CACNA1C: variants seen among roughly 807,000 people sequenced by gnomAD.
CACNA1C encodes voltage-dependent L-type calcium channel subunit alpha-1C.
CACNA1C carries 30 observed loss-of-function variants against 229.0 expected under a neutral mutation model. The ratio of observed to expected loss-of-function variants is 0.13; its 90% CI spans 0.10 to 0.18. The LOEUF is 0.18. Among genes scored for constraint, CACNA1C ranks in the 10% least tolerant of loss-of-function variants. The pLI is 1.00. For synonymous variants in CACNA1C, 1,114 were observed against 1,132.5 expected (o/e 0.98, Z 0.33); for missense variants, 1,658 against 2,845.0 (o/e 0.58, Z 9.49).
chr12:2,345,059 G>A lies in CACNA1C; in HGVS notation c.478-103917G>A, dbSNP rs148654637. On this transcript the variant is annotated intron_variant, in intron 3 of 46. Coordinates refer to ENST00000399655, the MANE Select transcript of CACNA1C (RefSeq NM_000719.7). ...CCATACTAGATCAAGCTCTCTGGCCGTGAGCCCCATGTCTGTGGGTTTGAA... is the reference window on the plus strand; with the variant it reads ...CCATACTAGATCAAGCTCTCTGGCCATGAGCCCCATGTCTGTGGGTTTGAA... 3.9e-3 allele frequency among the ~76,000 whole-genome samples: 582 copies of A among 148,876 alleles called. 6 individuals carry two copies. Among genetic ancestry groups the A allele is most frequent in the South Asian group, 0.024 (109 of 4,490 alleles).
At chr12:2,042,213 C>T (rs1048489533) in intron 1 of CACNA1C, among the ~76,000 whole-genome samples, 1 of 152,100 alleles carries the variant, frequency 6.6e-6, no homozygotes, top group South Asian at 2.1e-4. Flanking sequence ...CCATTTCCTT[C>T]TTAAAATTTT....
At chr12:2,416,927 G>T (rs1224504213) in intron 3 of CACNA1C, among the ~76,000 whole-genome samples, 1 of 152,176 alleles carries the variant, frequency 6.6e-6, no homozygotes, top group Non-Finnish European at 1.5e-5. Flanking sequence ...TCCACATCCG[G>T]AGTGTTCACA....
intron 3 of CACNA1C, among the ~76,000 whole-genome samples, chr12:2,187,329 T>C (rs2097066704): frequency 6.6e-6 from 1 of 152,150 alleles, no homozygotes; most frequent in African/African-American, 2.4e-5. Flanking sequence ...TAGGAACCTC[T>C]GTGCAAAGCC....
intron 3 of CACNA1C, among the ~76,000 whole-genome samples, chr12:2,401,516 A>C (rs574142577): frequency 1.1e-4 from 16 of 152,312 alleles, no homozygotes; most frequent in Admixed American, 9.1e-4. Context: ...ACAGAGTATA[A>C]CATTATAGAG....
chr12:2,616,344 C>A (rs2080555125), intron 29 of CACNA1C, among the ~76,000 whole-genome samples: 1 of 152,228 alleles, frequency 6.6e-6, no homozygotes, highest in South Asian at 2.1e-4. Flanking sequence ...ATCCCCCTAC[C>A]CTTTCTTCTG....
chr12:2,127,220 G>A (rs1298195818), intron 3 of CACNA1C, among the ~76,000 whole-genome samples: 2 of 152,116 alleles, frequency 1.3e-5, no homozygotes, highest in Non-Finnish European at 1.5e-5. Context: ...TGAATCACCC[G>A]ACATGGGGCC....
Position 2,494,330 on chromosome 12 carries a change from G to A in CACNA1C, c.1113+944G>A, listed in dbSNP as rs775457831. Among the ~76,000 whole-genome samples the A allele has an allele frequency of 5.3e-5, 8 of 152,288 alleles. No homozygotes were observed. In the East Asian group the frequency reaches 7.7e-4, roughly 15 times the overall value. On this transcript the variant is annotated intron_variant, in intron 7 of 46. Coordinates refer to ENST00000399655, the MANE Select transcript of CACNA1C (RefSeq NM_000719.7). ...CCACACTCCATATTTGAGCTGTCTC[G>A]ATTCTGGCAAAGTCCATTATTAGGA...
At chr12:2,262,337 G>A (rs1446311159) in intron 3 of CACNA1C, among the ~76,000 whole-genome samples, 4 of 152,248 alleles carry the variant, frequency 2.6e-5, no homozygotes, top group Non-Finnish European at 5.9e-5. Flanking sequence ...AATTTGGAAA[G>A]CCTATTCACT....
At chr12:2,270,214 G>A (rs925689708) in intron 3 of CACNA1C, among the ~76,000 whole-genome samples, 4 of 152,190 alleles carry the variant, frequency 2.6e-5, no homozygotes, top group Non-Finnish European at 5.9e-5. Flanking sequence ...GGCGAGCTTC[G>A]AAAGCTATTA....
Position 2,678,037 on chromosome 12 carries a change from C to T in CACNA1C, c.5091+170C>T, listed in dbSNP as rs1054861755. 7.0e-6 allele frequency: 5 copies of T among 716,218 alleles called. No individual in the cohort carries two copies. In the African/African-American group the frequency reaches 7.1e-5, roughly 10 times the overall value. 44.4% of individuals were successfully genotyped at this position (716,218 alleles called of 1,614,324 possible). On this transcript the variant is annotated intron_variant, in intron 41 of 46. Coordinates refer to ENST00000399655, the MANE Select transcript of CACNA1C (RefSeq NM_000719.7). This position sits in a 1 kb window ranked among gnomAD's most constrained non-coding sequence, Gnocchi z 4.1. ...TCCTCACCCCTTTGCCTTTTCCAAG[C>T]CTGACTCCATCCCAAGGCAGGGCTC...
At chr12:2,584,189 T>C (rs1310082350) in intron 15 of CACNA1C, among the ~76,000 whole-genome samples, 1 of 152,198 alleles carries the variant, frequency 6.6e-6, no homozygotes, top group Non-Finnish European at 1.5e-5. Flanking sequence ...TTACAGCCAG[T>C]CATCTCAGCA....
At chr12:2,627,095 C>G (rs216017) in intron 29 of CACNA1C, among the ~76,000 whole-genome samples, 9,639 of 152,194 alleles carry the variant, frequency 0.063, 319 homozygotes, top group Middle Eastern at 0.12. Context: ...GAGGCAAGCA[C>G]CCAGCCCCCT....
In CACNA1C at chr12:2,242,207, C is replaced by T. The variant is rs143642689; in HGVS notation, c.477+121777C>T. Among the ~76,000 whole-genome samples the T allele has an allele frequency of 1.7e-4, 26 of 152,296 alleles. 1 individual carries two copies. In the East Asian group the frequency reaches 5.0e-3, roughly 29 times the overall value. On this transcript the variant is annotated intron_variant, in intron 3 of 46. Coordinates refer to ENST00000399655, the MANE Select transcript of CACNA1C (RefSeq NM_000719.7). ...CTGGGAGTCTCTTTGTCCTTCAGGTCAGACAATGCAAACTTAAATCTTGCT... is the reference window on the plus strand; with the variant it reads ...CTGGGAGTCTCTTTGTCCTTCAGGTTAGACAATGCAAACTTAAATCTTGCT...
rs111226402 is a variant in CACNA1C at position 2,602,763 on chromosome 12, C to T, written c.2960+803C>T. 7.2e-3 allele frequency among the ~76,000 whole-genome samples: 1,091 copies of T among 152,082 alleles called. 5 individuals are homozygous for T. Among genetic ancestry groups the T allele is most frequent in the Middle Eastern group, 0.014 (4 of 294 alleles). The stretch of plus-strand genomic sequence containing the variant: ...CCTGTACAGCCAAGCTTGCAGTCCT[C>T]GTTCAGGTGTGGAGGATCTGATTAC... On this transcript the variant is annotated intron_variant, in intron 22 of 46. Coordinates refer to ENST00000399655, the MANE Select transcript of CACNA1C (RefSeq NM_000719.7). This position sits in a 1 kb window ranked among gnomAD's most constrained non-coding sequence, Gnocchi z 4.4.
intron 29 of CACNA1C, among the ~76,000 whole-genome samples, chr12:2,631,635 GTC>G (rs1369358847): frequency 1.3e-5 from 2 of 152,186 alleles, no homozygotes; most frequent in African/African-American, 4.8e-5. Flanking sequence ...GGAGAAAGAA[GTC>G]TCTCTGCCTC....
Position 2,457,592 on chromosome 12 carries a change from G to A in CACNA1C, c.643G>A (p.Ala215Thr). Residue 215 changes from alanine to threonine, a missense_variant, in exon 5 of 47, where the codon GCA (alanine) becomes ACA (threonine). Coordinates refer to ENST00000399655, the MANE Select transcript of CACNA1C (RefSeq NM_000719.7). ...GCTTTTTAGTGCAATTTTAGAACAA[G>A]CAACCAAAGCAGATGGGGCAAACGC... is the stretch of plus-strand genomic sequence containing the variant. ...VGLFSAILEQ[A>T]TKADGANALG... The A allele has an allele frequency of 6.2e-7, 1 of 1,612,552 alleles. No individual in the cohort carries two copies. The highest frequency in any genetic ancestry group is 8.5e-7 in the Non-Finnish European group (1 of 1,179,220).
intron 3 of CACNA1C, among the ~76,000 whole-genome samples, chr12:2,146,496 T>A (rs1008809534): frequency 6.6e-6 from 1 of 151,060 alleles, no homozygotes; most frequent in Non-Finnish European, 1.5e-5. Context: ...AAAATGATAA[T>A]GAATGGTACA....
In CACNA1C at chr12:2,346,227, G is replaced by A; in HGVS notation, c.478-102749G>A. Among the ~76,000 whole-genome samples, 1 of 152,112 alleles carries A rather than the reference G, an allele frequency of 6.6e-6. No individual in the cohort carries two copies. Among genetic ancestry groups the A allele is most frequent in the East Asian group, 1.9e-4 (1 of 5,200 alleles). On this transcript the variant is annotated intron_variant, in intron 3 of 46. Transcript: ENST00000399655. This position sits in a 1 kb window ranked among gnomAD's most constrained non-coding sequence, Gnocchi z 4.4. ...GTGTGTCTCTGTGTGTGTCATCTCT[G>A]TGTGTGTCTGTGTGTGTCTCTGTCT... is the stretch of plus-strand genomic sequence containing the variant.
At chr12:2,448,804 C>T (rs535905708) in intron 3 of CACNA1C, among the ~76,000 whole-genome samples, 172 bp from the exon 4 acceptor site, 50 of 151,872 alleles carry the variant, frequency 3.3e-4, no homozygotes, top group Middle Eastern at 3.4e-3. Context: ...TTGGTGCTGT[C>T]GCGGTAGAGC....
Sources: allele counts gnomAD v4.1 joint callset (sites outside exome capture counted in the v4.1 genomes callset), GRCh38; gene constraint gnomAD v4.1.1; non-coding constraint Gnocchi (gnomAD v3.1); transcripts MANE v1.5; gene names NCBI Gene and HGNC (gene_info 2026-07-23, HGNC 2026-07-21).